SPTLC2: variants seen among roughly 807,000 people sequenced by gnomAD.
SPTLC2 encodes the protein serine palmitoyltransferase long chain base subunit 2.
A neutral mutation model predicts 62.0 loss-of-function variants in SPTLC2; 21 were observed. The observed-to-expected ratio is 0.34, with a 90% CI of 0.24 to 0.49. The LOEUF (loss-of-function observed/expected upper bound fraction) is 0.49, where lower values mean the gene tolerates loss of function less well. Ranked by LOEUF, SPTLC2 falls within the 20% of genes least tolerant of loss-of-function variation. SPTLC2 has a pLI of 0.99. For missense variants in SPTLC2, 511 were observed against 713.0 expected (o/e 0.72, Z 3.23); for synonymous variants, 261 against 261.8 (o/e 1.00, Z 0.03).
chr14:77,555,093 A>G (rs2079575448), intron 8 of SPTLC2, among the ~76,000 whole-genome samples: 1 of 152,204 alleles, frequency 6.6e-6, no homozygotes, highest in Non-Finnish European at 1.5e-5. Context: ...CTTAGAAAGA[A>G]GCTCAAATAA....
chr14:77,574,480 C>A (rs1485540377), intron 4 of SPTLC2, among the ~76,000 whole-genome samples: 2 of 152,182 alleles, frequency 1.3e-5, no homozygotes, highest in Non-Finnish European at 2.9e-5. Context: ...TACGACCTAG[C>A]AATTCCACTA....
intron 4 of SPTLC2, 63 bp from the exon 5 acceptor site, chr14:77,570,571 T>C (rs1420407600): frequency 1.9e-6 from 3 of 1,598,578 alleles, no homozygotes; most frequent in African/African-American, 2.7e-5. Flanking sequence ...TACTCATCAC[T>C]TTATTAAAAG....
At position 77,575,881 on chromosome 14, in the gene SPTLC2, T is replaced by C. The variant is rs141962038; in HGVS notation, c.631+886A>G. On this transcript the variant is annotated intron_variant, in intron 4 of 11. Coordinates refer to ENST00000216484, the MANE Select transcript of SPTLC2 (RefSeq NM_004863.4). ...TGCTCTAGAGGCCTGCAGCCATGCA[T>C]GATGAACAACTCTCCAAGACCACCA... 6.4e-3 allele frequency among the ~76,000 whole-genome samples: 971 copies of C among 152,244 alleles called. 20 individuals are homozygous for C. Among genetic ancestry groups the C allele is most frequent in the African/African-American group, 0.022 (918 of 41,548 alleles).
intron 10 of SPTLC2, among the ~76,000 whole-genome samples, chr14:77,519,898 T>A (rs966683120): frequency 2.0e-5 from 3 of 152,098 alleles, no homozygotes; most frequent in African/African-American, 7.2e-5. Flanking sequence ...CTTTTTTTTT[T>A]AACTTCTTAA....
intron 11 of SPTLC2, 25 bp from the exon 12 acceptor site, chr14:77,512,428 G>C: frequency 1.2e-6 from 2 of 1,614,114 alleles, no homozygotes; most frequent in Non-Finnish European, 1.7e-6. Flanking sequence ...ACAAAGTAGA[G>C]GTCTGTCAGA....
intron 2 of SPTLC2, among the ~76,000 whole-genome samples, chr14:77,595,359 T>C (rs555689963): frequency 6.6e-6 from 1 of 152,198 alleles, no homozygotes; most frequent in East Asian, 1.9e-4. Context: ...AGCGAGACTC[T>C]TGTCTAAAAA....
rs886257470 is a variant in SPTLC2 at position 77,509,985 on chromosome 14, G to T, written c.*2299C>A. 1.5e-5 allele frequency: 6 copies of T among 398,198 alleles called. No homozygotes were observed. The highest frequency in any genetic ancestry group is 2.2e-5 in the Non-Finnish European group (5 of 225,938). 24.7% of individuals were successfully genotyped at this position (398,198 alleles called of 1,614,324 possible). A position where few individuals can be genotyped will look rare whatever the true frequency, so the allele number is the denominator to read the frequency against. On this transcript the variant is annotated 3_prime_UTR_variant, in exon 12 of 12. Transcript: ENST00000216484. ...TAGCAGGTAAGTTCATTGCTTATAA[G>T]TTTGTGACTTTTACAAACCCTACGT...
intron 9 of SPTLC2, among the ~76,000 whole-genome samples, chr14:77,533,490 T>C (rs1417182466): frequency 6.6e-6 from 1 of 152,106 alleles, no homozygotes; most frequent in Admixed American, 6.5e-5. Context: ...TTTACCAAAT[T>C]AGAATGTTTT....
rs899436296 is a variant in SPTLC2 at position 77,519,679 on chromosome 14, T to C, written c.1440-1512A>G. Reference sequence around the variant, plus strand: ...GTTGCAGTAAGCCGAGATCACGCCATTGCACTCCAGCCTGGGCTATACAGA... The same window carrying C: ...GTTGCAGTAAGCCGAGATCACGCCACTGCACTCCAGCCTGGGCTATACAGA... On this transcript the variant is annotated intron_variant, in intron 10 of 11. Coordinates refer to ENST00000216484, the MANE Select transcript of SPTLC2 (RefSeq NM_004863.4). Among the ~76,000 whole-genome samples, 24 of 152,264 alleles carry C rather than the reference T, an allele frequency of 1.6e-4. No homozygotes were observed. In the South Asian group the frequency reaches 2.1e-3, roughly 13 times the overall value.
chr14:77,598,051 G>T (rs181367775), intron 1 of SPTLC2, among the ~76,000 whole-genome samples: 1 of 148,764 alleles, frequency 6.7e-6, no homozygotes, highest in African/African-American at 2.5e-5. Flanking sequence ...GAACCTTGGA[G>T]ATGGAAGTTG....
At chr14:77,587,397 C>A (rs1343431984) in intron 2 of SPTLC2, among the ~76,000 whole-genome samples, 1 of 151,994 alleles carries the variant, frequency 6.6e-6, no homozygotes, top group Non-Finnish European at 1.5e-5. Flanking sequence ...GCAGGAAATG[C>A]ATATATCAGA....
chr14:77,577,060 TAGA>T (rs1308902486), intron 3 of SPTLC2, 145 bp from the exon 4 acceptor site: 23 of 848,756 alleles, frequency 2.7e-5, no homozygotes, highest in Non-Finnish European at 4.1e-5. Flanking sequence ...ATTATGGAAA[TAGA>T]AGTTAAAATA....
chr14:77,509,295 TA>T lies in SPTLC2; in HGVS notation c.*2988del, dbSNP rs2079320609. ...TATAAAGTCCATGCCCCTGCTAAGT[TA>T]AAGCTTAAAAAAAAAAAGATGCGAG... On this transcript the variant is annotated 3_prime_UTR_variant, in exon 12 of 12. Coordinates refer to ENST00000216484, the MANE Select transcript of SPTLC2 (RefSeq NM_004863.4). 1 of 151,876 alleles carries T rather than the reference TA, an allele frequency of 6.6e-6. No individual in the cohort carries two copies. Among genetic ancestry groups the T allele is most frequent in the Non-Finnish European group, 1.5e-5 (1 of 67,960 alleles). The allele number at this position is 151,876 out of a possible 1,614,324, so 9.4% of individuals were successfully genotyped here.
intron 2 of SPTLC2, among the ~76,000 whole-genome samples, 166 bp downstream of exon 2, chr14:77,597,020 C>T (rs1249627095): frequency 6.6e-6 from 1 of 152,162 alleles, no homozygotes; most frequent in African/African-American, 2.4e-5. Context: ...TATCTTTAAC[C>T]TTGTTATTTT....
In SPTLC2 at chr14:77,556,066, T is replaced by C. The variant is rs1256373493; in HGVS notation, c.957-547A>G. Among the ~76,000 whole-genome samples, 3 of 152,144 alleles carry C rather than the reference T, an allele frequency of 2.0e-5. No individual in the cohort carries two copies. In the East Asian group the frequency reaches 5.8e-4, roughly 29 times the overall value. Reference sequence around the variant, plus strand: ...GGCTGGGCGCGGTGGCTCACACCTGTAATCCCAGCACTTTGGTGGGCTGAG... The same window carrying C: ...GGCTGGGCGCGGTGGCTCACACCTGCAATCCCAGCACTTTGGTGGGCTGAG... On this transcript the variant is annotated intron_variant, in intron 7 of 11. Coordinates refer to ENST00000216484, the MANE Select transcript of SPTLC2 (RefSeq NM_004863.4).
intron 1 of SPTLC2, among the ~76,000 whole-genome samples, chr14:77,611,979 A>G (rs1388351835): frequency 2.6e-5 from 4 of 152,252 alleles, no homozygotes. Flanking sequence ...CTTAAAGACA[A>G]ACTTAAGATA....
intron 1 of SPTLC2, among the ~76,000 whole-genome samples, chr14:77,600,046 C>G (rs1227094296): frequency 6.6e-6 from 1 of 152,146 alleles, no homozygotes; most frequent in Non-Finnish European, 1.5e-5. Flanking sequence ...CAGTCTCAAT[C>G]CAACATGCAG....
chr14:77,526,895 C>T (rs1007083066), intron 9 of SPTLC2, among the ~76,000 whole-genome samples: 7 of 149,110 alleles, frequency 4.7e-5, no homozygotes, highest in Admixed American at 2.0e-4. Context: ...CCTGGGTTCA[C>T]GCCATTCTCC....
intron 2 of SPTLC2, among the ~76,000 whole-genome samples, chr14:77,586,735 A>T (rs1024512657): frequency 1.3e-5 from 2 of 152,198 alleles, no homozygotes; most frequent in African/African-American, 4.8e-5. Flanking sequence ...CCAGTAGAAA[A>T]ACGGACAAAA....
Sources: gnomAD v4.1 joint callset for allele counts (sites outside exome capture counted in the v4.1 genomes callset) on GRCh38, gnomAD v4.1.1 for gene constraint, MANE v1.5 for transcripts, NCBI Gene and HGNC (gene_info 2026-07-23, HGNC 2026-07-21) for gene names.